Variants in PLEKHD1 observed in about 807,000 individuals in gnomAD.
PLEKHD1 encodes the protein pleckstrin homology domain-containing family D member 1.
Under a neutral mutation model 69.2 loss-of-function variants are expected in PLEKHD1, and 51 were observed. The observed-to-expected ratio is 0.74, with a 90% CI of 0.59 to 0.93. The LOEUF (loss-of-function observed/expected upper bound fraction) is 0.93. PLEKHD1 is among the 40% of genes least tolerant of loss of function. The pLI is 0.00. For synonymous variants in PLEKHD1, 236 were observed against 244.7 expected (o/e 0.96, Z 0.33); for missense variants, 584 against 641.0 (o/e 0.91, Z 0.96).
chr14:69,483,089 A>T (rs1292824169), upstream of PLEKHD1, among the ~76,000 whole-genome samples: 1 of 152,010 alleles, frequency 6.6e-6, no homozygotes, highest in Non-Finnish European at 1.5e-5. Flanking sequence ...CTCCCACCTG[A>T]TGGAGCCAAG....
At chr14:69,503,240 A>G (rs914571243) in intron 6 of PLEKHD1, 1 of 281,434 alleles carries the variant, frequency 3.6e-6, no homozygotes, top group Middle Eastern at 1.3e-3. Flanking sequence ...CTGGCACCTG[A>G]GGGTGATTGG....
rs374949328 is a variant in PLEKHD1, at chr14:69,525,858, C to T, written c.745-86C>T. ...AGAGGACTGAGAGAGGAGTGGGTCA[C>T]TCCCCCAAACGGAAAAGCAGGTGAG... On this transcript the variant is annotated intron_variant, in intron 8 of 12. Transcript: ENST00000322564. The T allele has an allele frequency of 4.1e-4, 539 of 1,305,272 alleles. 7 individuals are homozygous for T. The South Asian group carries it at 7.6e-3, about 18-fold the overall frequency. 80.9% of individuals were successfully genotyped at this position (1,305,272 alleles called of 1,614,324 possible). A position where few individuals can be genotyped will look rare whatever the true frequency, so the allele number is the denominator to read the frequency against.
intron 6 of PLEKHD1, among the ~76,000 whole-genome samples, chr14:69,508,405 C>CA (rs377539792): frequency 0.017 from 2,203 of 129,892 alleles, 23 homozygotes; most frequent in East Asian, 0.033. Flanking sequence ...GACTCCATCT[C>CA]AAAAAAAAAA....
chr14:69,503,949 G>C (rs1304463750), intron 6 of PLEKHD1, among the ~76,000 whole-genome samples: 1 of 152,066 alleles, frequency 6.6e-6, no homozygotes, highest in East Asian at 1.9e-4. Context: ...ATTAAGGGCA[G>C]GGGGCGGTAG....
In PLEKHD1 at chr14:69,527,791, G is replaced by A. The variant is rs1353699809; in HGVS notation, c.1210G>A (p.Glu404Lys). 5 of 1,551,502 alleles carry A rather than the reference G, an allele frequency of 3.2e-6. No individual in the cohort carries two copies. Among genetic ancestry groups the A allele is most frequent in the Admixed American group, 2.0e-5 (1 of 51,016 alleles). The change falls in exon 12 of 13, where the codon GAG (glutamate) becomes AAG (lysine). Residue 404 changes from glutamate to lysine, a missense_variant. Coordinates refer to ENST00000322564, the MANE Select transcript of PLEKHD1 (RefSeq NM_001161498.2). ...ADVSHLKRFFEECIRNAELEA... is the reference protein window; with the variant it reads ...ADVSHLKRFFKECIRNAELEA... Reference sequence around the variant, plus strand: ...TGGCCCTGCCGCCACAGGGTTCTTTGAGGAGTGCATCCGGAATGCCGAGCT... The same window carrying A: ...TGGCCCTGCCGCCACAGGGTTCTTTAAGGAGTGCATCCGGAATGCCGAGCT...
At chr14:69,498,587 T>TC (rs1160469470) in intron 1 of PLEKHD1, among the ~76,000 whole-genome samples, 7 of 144,674 alleles carry the variant, frequency 4.8e-5, no homozygotes, top group South Asian at 2.3e-4. Flanking sequence ...TTTCTTTTTG[T>TC]TTTCTCTTCT....
chr14:69,472,420 G>A, the PLEKHD1 span, among the ~76,000 whole-genome samples: 6 of 152,124 alleles, frequency 3.9e-5, no homozygotes, highest in Non-Finnish European at 7.3e-5. Flanking sequence ...CCGGGACCGC[G>A]TGAGTTAAAA....
intron 6 of PLEKHD1, among the ~76,000 whole-genome samples, chr14:69,521,980 T>C (rs1316324149): frequency 4.6e-5 from 7 of 151,864 alleles, no homozygotes; most frequent in Non-Finnish European, 7.4e-5. Flanking sequence ...CCCTGCAGAG[T>C]AGATATTTAG....
intron 1 of PLEKHD1, 121 bp from the exon 2 acceptor site, chr14:69,499,994 C>A: frequency 1.5e-6 from 1 of 673,114 alleles, no homozygotes; most frequent in South Asian, 1.9e-5. Context: ...GTAAGGATGG[C>A]TGAGCTGGTG....
the PLEKHD1 span, among the ~76,000 whole-genome samples, chr14:69,473,498 G>C: frequency 6.6e-6 from 1 of 152,136 alleles, no homozygotes; most frequent in Non-Finnish European, 1.5e-5. Flanking sequence ...TGTACAGGTG[G>C]GAAATTAACT....
chr14:69,523,369 T>C (rs899619550), intron 7 of PLEKHD1, among the ~76,000 whole-genome samples: 1 of 152,150 alleles, frequency 6.6e-6, no homozygotes, highest in Admixed American at 6.5e-5. Context: ...ACATGATCAG[T>C]GATAGCCCAG....
At chr14:69,511,173 T>C (rs1038642262) in intron 6 of PLEKHD1, among the ~76,000 whole-genome samples, 4 of 152,214 alleles carry the variant, frequency 2.6e-5, no homozygotes, top group African/African-American at 9.6e-5. Flanking sequence ...TTTGTTTGTT[T>C]TGAAACAGAG....
intron 6 of PLEKHD1, among the ~76,000 whole-genome samples, chr14:69,508,885 C>T (rs771065087): frequency 5.3e-5 from 8 of 152,200 alleles, no homozygotes; most frequent in East Asian, 1.9e-4. Flanking sequence ...AGGAGCCCAG[C>T]GCCAGGGAGT....
intron 6 of PLEKHD1, among the ~76,000 whole-genome samples, chr14:69,518,314 T>C (rs151322077): frequency 0.011 from 1,707 of 152,240 alleles, 37 homozygotes; most frequent in African/African-American, 0.04. Context: ...GTGCTAGGAT[T>C]ACAGGCATGA....
intron 1 of PLEKHD1, among the ~76,000 whole-genome samples, chr14:69,499,593 G>A (rs1000949409): frequency 6.6e-6 from 1 of 152,330 alleles, no homozygotes; most frequent in Non-Finnish European, 1.5e-5. Context: ...GGAGTAGCCC[G>A]AGACAAAGGG....
intron 1 of PLEKHD1, among the ~76,000 whole-genome samples, chr14:69,489,957 C>A (rs1275355159): frequency 6.6e-6 from 1 of 152,192 alleles, no homozygotes; most frequent in Non-Finnish European, 1.5e-5. Context: ...ACCTCTGCCT[C>A]CCAGGTTCAA....
In PLEKHD1 at chr14:69,522,353, G is replaced by A; in HGVS notation, c.626G>A (p.Arg209Lys). Residue 209 changes from arginine (R) to lysine (K), a missense_variant, in exon 7 of 13, where the codon AGA (arginine) becomes AAA (lysine). By Grantham distance (26) the Arg-to-Lys change is conservative. Transcript: ENST00000322564. ...QQFEEVVQELRMEQEQIKREL... is the reference protein window; with the variant it reads ...QQFEEVVQELKMEQEQIKREL... ...TTCGAGGAGGTGGTGCAGGAGCTGAGAATGGAGCAGGAGCAGATCAAGAGG... is the reference window on the plus strand; with the variant it reads ...TTCGAGGAGGTGGTGCAGGAGCTGAAAATGGAGCAGGAGCAGATCAAGAGG... 2 of 1,551,584 alleles carry A rather than the reference G, an allele frequency of 1.3e-6. No homozygotes were observed. Among genetic ancestry groups the A allele is most frequent in the Non-Finnish European group, 1.7e-6 (2 of 1,146,928 alleles).
intron 1 of PLEKHD1, among the ~76,000 whole-genome samples, chr14:69,499,707 C>T (rs17836248): frequency 6.6e-6 from 1 of 152,148 alleles, no homozygotes; most frequent in Admixed American, 6.5e-5. Flanking sequence ...GCCAAAGACC[C>T]ATCTTAGCAT....
chr14:69,499,883 T>A (rs1019924428), intron 1 of PLEKHD1, among the ~76,000 whole-genome samples: 5 of 152,172 alleles, frequency 3.3e-5, no homozygotes, highest in South Asian at 2.1e-4. Flanking sequence ...AAGCCAGTAG[T>A]GGGGCTCCCG....
Sources: gnomAD v4.1 joint callset for allele counts (sites outside exome capture counted in the v4.1 genomes callset) on GRCh38, gnomAD v4.1.1 for gene constraint, MANE v1.5 for transcripts, NCBI Gene and HGNC (gene_info 2026-07-23, HGNC 2026-07-21) for gene names.